The following C1QTNF3 variants were observed in gnomAD, a reference collection of about 807,000 sequenced individuals.
C1QTNF3 encodes the protein C1q and TNF related 3, also known as complement C1q tumor necrosis factor-related protein 3.
In C1QTNF3, 26 loss-of-function variants were observed where a neutral mutation model predicts 32.6. That is an observed-to-expected ratio of 0.80 (90% CI 0.58 to 1.11). The LOEUF (loss-of-function observed/expected upper bound fraction) is 1.11. C1QTNF3 is among the 50% of genes least tolerant of loss of function. C1QTNF3 has a pLI of 0.00. For missense variants in C1QTNF3, 362 were observed against 398.2 expected (o/e 0.91, Z 0.77); for synonymous variants, 155 against 146.0 (o/e 1.06, Z -0.44).
chr5:34,223,903 C>T, the C1QTNF3 span, among the ~76,000 whole-genome samples: 1 of 152,064 alleles, frequency 6.6e-6, no homozygotes, highest in Admixed American at 6.6e-5. Context: ...TAGAAAACCC[C>T]ATTGTCTCAG....
chr5:34,027,925 C>A (rs1219914940), intron 4 of C1QTNF3, among the ~76,000 whole-genome samples: 3 of 151,646 alleles, frequency 2.0e-5, no homozygotes, highest in Non-Finnish European at 2.9e-5. Flanking sequence ...AGTGTCCTAG[C>A]TTTTATTTAG....
At chr5:34,065,737 G>A in the C1QTNF3 span, among the ~76,000 whole-genome samples, 13 of 152,088 alleles carry the variant, frequency 8.5e-5, no homozygotes, top group African/African-American at 2.7e-4. Context: ...ATACACCGTC[G>A]TTGGGAATGC....
At chr5:34,243,596 AAATGTGGTACATATAC>A in the C1QTNF3 span, among the ~76,000 whole-genome samples, 9 of 152,360 alleles carry the variant, frequency 5.9e-5, no homozygotes, top group South Asian at 1.4e-3. Context: ...TGGATAAAGA[AAATGTGGTACATATAC>A]ACTATGGAAT....
At chr5:34,203,180 G>T in the C1QTNF3 span, among the ~76,000 whole-genome samples, 2 of 152,028 alleles carry the variant, frequency 1.3e-5, no homozygotes, top group Non-Finnish European at 2.9e-5. Flanking sequence ...CACAAAGTAG[G>T]ACGAGAAATC....
At chr5:34,116,163 A>G in the C1QTNF3 span, among the ~76,000 whole-genome samples, 20 of 152,182 alleles carry the variant, frequency 1.3e-4, no homozygotes, top group Non-Finnish European at 4.4e-5. Flanking sequence ...ATAGCTGCAT[A>G]TTTGTAAATT....
the C1QTNF3 span, among the ~76,000 whole-genome samples, chr5:34,174,385 T>C: frequency 6.6e-6 from 1 of 152,072 alleles, no homozygotes; most frequent in African/African-American, 2.4e-5. Context: ...ACATAAAGCT[T>C]TGCACCTCTC....
the C1QTNF3 span, chr5:34,167,206 T>C: frequency 6.6e-6 from 1 of 152,196 alleles, no homozygotes; most frequent in Non-Finnish European, 1.5e-5. Flanking sequence ...TCTCTGCTCA[T>C]AGAACGCTTG....
the C1QTNF3 span, among the ~76,000 whole-genome samples, chr5:34,244,383 A>G: frequency 6.8e-4 from 103 of 152,296 alleles, no homozygotes; most frequent in African/African-American, 2.3e-3. Context: ...CAAAGCCTCC[A>G]CACTGTGGAA....
the C1QTNF3 span, among the ~76,000 whole-genome samples, chr5:34,178,420 C>T: frequency 1.3e-5 from 2 of 152,184 alleles, no homozygotes; most frequent in Non-Finnish European, 2.9e-5. Context: ...GCAAACAGAA[C>T]AGTGCAGTCC....
chr5:34,044,399 C>T (rs1027702179), upstream of C1QTNF3, among the ~76,000 whole-genome samples: 2 of 152,028 alleles, frequency 1.3e-5, no homozygotes, highest in Non-Finnish European at 1.5e-5. Flanking sequence ...GGGTGGCAAG[C>T]GTCTGATGAG....
the C1QTNF3 span, among the ~76,000 whole-genome samples, chr5:34,241,978 A>AAGGAAGGG: frequency 2.0e-5 from 3 of 149,654 alleles, no homozygotes; most frequent in African/African-American, 7.3e-5. Context: ...GGAAGGAAGG[A>AAGGAAGGG]AGGAAGGAAG....
upstream of C1QTNF3, among the ~76,000 whole-genome samples, chr5:34,047,120 C>T (rs1754999804): frequency 6.6e-6 from 1 of 152,206 alleles, no homozygotes; most frequent in South Asian, 2.1e-4. Flanking sequence ...AGGCAACCTC[C>T]CTGGAGGTGA....
chr5:34,235,074 G>A, the C1QTNF3 span, among the ~76,000 whole-genome samples: 26 of 151,834 alleles, frequency 1.7e-4, no homozygotes, highest in Non-Finnish European at 1.5e-4. Context: ...ATGCTTCTCT[G>A]ACTGTAAAGA....
the C1QTNF3 span, among the ~76,000 whole-genome samples, chr5:34,240,288 G>T: frequency 6.7e-6 from 1 of 149,788 alleles, no homozygotes; most frequent in East Asian, 1.9e-4. Flanking sequence ...AAATAGAGAA[G>T]ATCTGAATGA....
At chr5:34,136,717 C>T in the C1QTNF3 span, among the ~76,000 whole-genome samples, 13 of 152,156 alleles carry the variant, frequency 8.5e-5, no homozygotes, top group Non-Finnish European at 1.6e-4. Flanking sequence ...TATTGCAACA[C>T]TATTCACAAT....
chr5:34,137,398 T>C, the C1QTNF3 span, among the ~76,000 whole-genome samples: 1 of 152,200 alleles, frequency 6.6e-6, no homozygotes, highest in Admixed American at 6.6e-5. Context: ...TCAAGGATTG[T>C]TACCACTCAA....
chr5:34,127,280 A>G, the C1QTNF3 span, among the ~76,000 whole-genome samples: 1 of 152,142 alleles, frequency 6.6e-6, no homozygotes, highest in Non-Finnish European at 1.5e-5. Flanking sequence ...TCAGAAGAAG[A>G]CGGGAAGATA....
chr5:34,109,399 T>C, the C1QTNF3 span, among the ~76,000 whole-genome samples: 1 of 152,008 alleles, frequency 6.6e-6, no homozygotes, highest in African/African-American at 2.4e-5. Context: ...CCTTATCCTT[T>C]TCACAGCAGC....
the C1QTNF3 span, chr5:34,200,920 T>C: frequency 6.6e-6 from 1 of 151,930 alleles, no homozygotes; most frequent in African/African-American, 2.4e-5. Context: ...AAACACTTCA[T>C]CCTACAGCCA....
Sources: gnomAD v4.1 joint callset for allele counts (sites outside exome capture counted in the v4.1 genomes callset) on GRCh38, gnomAD v4.1.1 for gene constraint, MANE v1.5 for transcripts, NCBI Gene and HGNC (gene_info 2026-07-23, HGNC 2026-07-21) for gene names.